Variants in MSN observed in about 807,000 individuals in gnomAD.
MSN encodes moesin, also known as epididymis luminal protein 70.
A neutral mutation model predicts 48.0 loss-of-function variants in MSN; 2 were observed. That is an observed-to-expected ratio of 0.04 (90% CI 0.02 to 0.13). The LOEUF is 0.13. Ranked by LOEUF, MSN falls within the 10% of genes least tolerant of loss-of-function variation. The pLI is 1.00. For synonymous variants in MSN, 146 were observed against 166.9 expected (o/e 0.87, Z 0.97); for missense variants, 267 against 470.1 (o/e 0.57, Z 3.99).
chrX:65,726,031 GGTTTC>G (rs1003380148), intron 2 of MSN, among the ~76,000 whole-genome samples: 1 of 111,698 alleles, frequency 9.0e-6, no homozygotes, highest in Non-Finnish European at 1.9e-5. Context: ...ATTTTGCTCA[GGTTTC>G]CTGATACTTG....
chrX:65,644,366 G>T (rs768345367), intron 1 of MSN, among the ~76,000 whole-genome samples: 2 of 111,356 alleles, frequency 1.8e-5, no homozygotes, highest in South Asian at 3.8e-4. Flanking sequence ...CAGATGGAAA[G>T]ATGGAGGCCT....
intron 1 of MSN, among the ~76,000 whole-genome samples, chrX:65,640,422 G>A (rs2070639978): frequency 8.9e-6 from 1 of 111,895 alleles, no homozygotes; most frequent in Non-Finnish European, 1.9e-5. Flanking sequence ...GCAGGCACAT[G>A]TAATCCCAGC....
At chrX:65,706,266 C>T (rs540215674) in intron 1 of MSN, among the ~76,000 whole-genome samples, 3 of 111,931 alleles carry the variant, frequency 2.7e-5, no homozygotes, top group South Asian at 7.5e-4. Flanking sequence ...GAACTGGAGC[C>T]TAAACAATGG....
chrX:65,628,469 G>C (rs2070526653), intron 1 of MSN, among the ~76,000 whole-genome samples: 1 of 111,873 alleles, frequency 8.9e-6, no homozygotes, highest in African/African-American at 3.2e-5. Flanking sequence ...GGCTGGAGTG[G>C]CTGGGACACA....
At chrX:65,601,425 CA>C (rs1301112427) in intron 1 of MSN, among the ~76,000 whole-genome samples, 1 of 112,226 alleles carries the variant, frequency 8.9e-6, no homozygotes, top group African/African-American at 3.2e-5. Flanking sequence ...CCCCTGACTC[CA>C]AATCTCCATT....
At position 65,741,650 on chromosome X, in the gene MSN, A is replaced by C. The variant is rs2071738540; in HGVS notation, c.*1757A>C. 1 of 166,662 alleles carries C rather than the reference A, an allele frequency of 6.0e-6. No individual in the cohort carries two copies. The highest frequency in any genetic ancestry group is 3.3e-4 in the South Asian group (1 of 2,987). 13.7% of individuals were successfully genotyped at this position (166,662 alleles called of 1,213,427 possible). On this transcript the variant is annotated 3_prime_UTR_variant, in exon 13 of 13. Coordinates refer to ENST00000360270, the MANE Select transcript of MSN (RefSeq NM_002444.3). ...CAATTCCCCCTGGCCACCACCCCCC[A>C]CTCTGTGCCTGACCTTGAGGAGTCT...
At chrX:65,594,726 C>T (rs1173563426) in intron 1 of MSN, among the ~76,000 whole-genome samples, 1 of 111,305 alleles carries the variant, frequency 9.0e-6, no homozygotes, top group East Asian at 2.8e-4. Flanking sequence ...AGAAGTAGGG[C>T]TGCAACCATC....
chrX:65,729,778 C>G (rs1429392290), intron 4 of MSN, 66 bp downstream of exon 4: 4 of 1,104,647 alleles, frequency 3.6e-6, no homozygotes, highest in Admixed American at 2.5e-5. Flanking sequence ...CTGACCAATC[C>G]CTGCCTCACA....
intron 1 of MSN, among the ~76,000 whole-genome samples, chrX:65,635,361 G>A (rs2070590794): frequency 9.0e-6 from 1 of 111,234 alleles, no homozygotes; most frequent in Non-Finnish European, 1.9e-5. Flanking sequence ...CTTTACAGAG[G>A]GTAAGCTGTT....
intron 1 of MSN, among the ~76,000 whole-genome samples, chrX:65,602,533 G>T (rs2070245025): frequency 9.5e-6 from 1 of 105,223 alleles, no homozygotes; most frequent in South Asian, 3.9e-4. Context: ...CCACTCTCCA[G>T]CTCCACGCTC....
Position 65,621,154 on chromosome X carries a change from A to T in MSN, c.-22+32542A>T, listed in dbSNP as rs376771982. ...ATGGTCTCAATCTCCTGATCTTGTG[A>T]TCCGCCCACCTCGGCCTCCCAAAGC... On this transcript the variant is annotated intron_variant, in intron 1 of 3. Transcript: ENST00000609672. Among the ~76,000 whole-genome samples, 12 of 111,062 alleles carry T rather than the reference A, an allele frequency of 1.1e-4. No homozygotes were observed. In the East Asian group the frequency reaches 3.4e-3, roughly 31 times the overall value.
chrX:65,665,038 C>G (rs1274848472), upstream of MSN, among the ~76,000 whole-genome samples: 1 of 110,707 alleles, frequency 9.0e-6, no homozygotes, highest in Non-Finnish European at 1.9e-5. Flanking sequence ...GTGTGAGCCA[C>G]CACACCTGGT....
intron 1 of MSN, among the ~76,000 whole-genome samples, chrX:65,684,563 C>T (rs1347175587): frequency 9.1e-6 from 1 of 110,208 alleles, no homozygotes. Flanking sequence ...CTCGGCCTCC[C>T]GAGTAACTGG....
chrX:65,647,656 C>T (rs2070704959), intron 1 of MSN, among the ~76,000 whole-genome samples: 1 of 112,138 alleles, frequency 8.9e-6, no homozygotes, highest in Admixed American at 9.5e-5. Flanking sequence ...AACATGTGCT[C>T]CCCTGCAGAA....
At chrX:65,611,579 T>A (rs2070321175) in intron 1 of MSN, among the ~76,000 whole-genome samples, 1 of 112,070 alleles carries the variant, frequency 8.9e-6, no homozygotes, top group Non-Finnish European at 1.9e-5. Flanking sequence ...TTCCATTGTA[T>A]GTCTATACAA....
chrX:65,632,647 C>T, intron 1 of MSN, among the ~76,000 whole-genome samples: 1 of 111,616 alleles, frequency 9.0e-6, no homozygotes, highest in South Asian at 3.7e-4. Flanking sequence ...TAATTGTAGC[C>T]ATTCTGATAG....
chrX:65,737,412 T>G (rs2071689352), intron 10 of MSN, 74 bp downstream of exon 10: 5 of 1,097,928 alleles, frequency 4.6e-6, no homozygotes, highest in Non-Finnish European at 6.1e-6. Context: ...TTATAGCTAC[T>G]TTTGCTTACA....
At chrX:65,682,034 G>T (rs2071060902) in intron 1 of MSN, among the ~76,000 whole-genome samples, 2 of 111,954 alleles carry the variant, frequency 1.8e-5, no homozygotes, top group African/African-American at 6.5e-5. Context: ...CAAGTGCCTG[G>T]GGAGGGAGGG....
Position 65,639,766 on chromosome X carries a change from C to T in MSN, c.-22+51154C>T, listed in dbSNP as rs762852581. ...AAGGCAGTCCCTTACTATTTGATGT[C>T]GGAGGGAGTAGAAATTTAAGAGCTT... On this transcript the variant is annotated intron_variant, in intron 1 of 3. Coordinates refer to the MSN transcript ENST00000609672. 1.7e-4 allele frequency among the ~76,000 whole-genome samples: 19 copies of T among 111,644 alleles called. No homozygotes were observed. In the East Asian group the frequency reaches 3.1e-3, roughly 18 times the overall value.
Sources: allele counts gnomAD v4.1 joint callset (sites outside exome capture counted in the v4.1 genomes callset), GRCh38; gene constraint gnomAD v4.1.1; transcripts MANE v1.5; gene names NCBI Gene and HGNC (gene_info 2026-07-23, HGNC 2026-07-21).